Variants in GRM8 observed in about 807,000 individuals in gnomAD.
GRM8 encodes the protein metabotropic glutamate receptor 8.
GRM8 carries 47 observed loss-of-function variants against 87.2 expected under a neutral mutation model. The observed-to-expected ratio is 0.54, with a 90% CI of 0.43 to 0.69. The LOEUF is 0.69. Ranked by LOEUF, GRM8 falls within the 30% of genes least tolerant of loss-of-function variation. The probability of loss-of-function intolerance (pLI) is 0.00; values close to 1 mark genes in which losing one functional copy is unlikely to be tolerated. For missense variants in GRM8, 1,019 were observed against 1,139.2 expected (o/e 0.89, Z 1.52); for synonymous variants, 396 against 404.5 (o/e 0.98, Z 0.25).
chr7:127,171,961 T>C (rs537114070), intron 2 of GRM8, among the ~76,000 whole-genome samples: 2 of 152,246 alleles, frequency 1.3e-5, no homozygotes, highest in South Asian at 2.1e-4. Flanking sequence ...AAAAAACTTA[T>C]GATACTCCAT....
At chr7:127,177,022 G>A (rs1366712493) in intron 2 of GRM8, among the ~76,000 whole-genome samples, 2 of 152,176 alleles carry the variant, frequency 1.3e-5, no homozygotes, top group Non-Finnish European at 2.9e-5. Context: ...ACGGGAGGGT[G>A]CAAATCTGGT....
chr7:126,795,175 A>G (rs565117564), intron 6 of GRM8, among the ~76,000 whole-genome samples: 2 of 152,276 alleles, frequency 1.3e-5, no homozygotes, highest in East Asian at 3.9e-4. Flanking sequence ...TTTTGAGTCA[A>G]CTGGACAGTT....
At chr7:126,645,698 A>G (rs1055360130) in intron 7 of GRM8, among the ~76,000 whole-genome samples, 6 of 152,238 alleles carry the variant, frequency 3.9e-5, no homozygotes, top group Non-Finnish European at 8.8e-5. Flanking sequence ...TGAGGGAAAG[A>G]GAAATAAAAC....
intron 2 of GRM8, among the ~76,000 whole-genome samples, chr7:127,219,200 ATATCTG>A (rs1310432967): frequency 3.3e-5 from 5 of 152,048 alleles, no homozygotes; most frequent in South Asian, 2.1e-4. Context: ...GCAAATGGTG[ATATCTG>A]TATCTGTCCA....
intron 6 of GRM8, among the ~76,000 whole-genome samples, chr7:126,891,747 G>T (rs1801029825): frequency 6.6e-6 from 1 of 151,914 alleles, no homozygotes; most frequent in Admixed American, 6.6e-5. Context: ...TTAACACATT[G>T]CATTGCAGGA....
At chr7:126,708,563 A>G (rs180861660) in intron 7 of GRM8, among the ~76,000 whole-genome samples, 1 of 150,570 alleles carries the variant, frequency 6.6e-6, no homozygotes. Context: ...AATATCATAT[A>G]TAGATTATAT....
intron 9 of GRM8, among the ~76,000 whole-genome samples, 170 bp downstream of exon 9, chr7:126,532,764 GATATATATATATATATAT>G (rs521): frequency 0.011 from 1,267 of 110,960 alleles, 35 homozygotes; most frequent in African/African-American, 0.027. Context: ...GACGGATGGA[GATATATATATATATATAT>G]ATATATATAT....
chr7:126,824,220 C>T (rs1794553132), intron 6 of GRM8, among the ~76,000 whole-genome samples: 2 of 152,048 alleles, frequency 1.3e-5, no homozygotes, highest in African/African-American at 4.8e-5. Context: ...TTCATGTTCT[C>T]CAGTGGCAGA....
In GRM8 at chr7:126,909,156, AAC is replaced by A. The variant is rs1207605623; in HGVS notation, c.728-4475_728-4474del. Among the ~76,000 whole-genome samples, 5 of 152,380 alleles carry A rather than the reference AAC, an allele frequency of 3.3e-5. 1 individual carries two copies. The East Asian group carries it at 9.6e-4, about 29-fold the overall frequency. On this transcript the variant is annotated intron_variant, in intron 3 of 10. Coordinates refer to ENST00000339582, the MANE Select transcript of GRM8 (RefSeq NM_000845.3). ...TGTCAGACAAGGGTGTAAATTAGGT[AAC>A]ACAGATAACAGCATAAGATACACCA...
In GRM8 at chr7:127,032,895, T is replaced by A. The variant is rs190935266; in HGVS notation, c.727+73601A>T. ...CTACTAAATGCTGAATTGAAAAGCA[T>A]CTTTTGCTGTACAATCTAGAGAGAA... On this transcript the variant is annotated intron_variant, in intron 3 of 10. Coordinates refer to ENST00000339582, the MANE Select transcript of GRM8 (RefSeq NM_000845.3). Among the ~76,000 whole-genome samples, 138 of 152,182 alleles carry A rather than the reference T, an allele frequency of 9.1e-4. 1 individual carries two copies. The highest frequency in any genetic ancestry group is 1.8e-3 in the Non-Finnish European group (122 of 68,006).
intron 7 of GRM8, among the ~76,000 whole-genome samples, chr7:126,727,254 C>T (rs1308925066): frequency 6.6e-6 from 1 of 151,918 alleles, no homozygotes; most frequent in South Asian, 2.1e-4. Flanking sequence ...GGGTATGACA[C>T]ATTTGAGTGC....
intron 1 of GRM8, among the ~76,000 whole-genome samples, chr7:127,249,413 A>G (rs1244530538): frequency 6.6e-6 from 1 of 152,218 alleles, no homozygotes; most frequent in African/African-American, 2.4e-5. Flanking sequence ...TAGGAGAGCC[A>G]TAATTTATTT....
chr7:127,062,904 A>G (rs1023561881), intron 3 of GRM8, among the ~76,000 whole-genome samples: 3 of 151,872 alleles, frequency 2.0e-5, no homozygotes, highest in Admixed American at 1.3e-4. Flanking sequence ...CTCCTTTCTT[A>G]TCTTCTTTAT....
chr7:126,603,742 T>C (rs1356074730), intron 8 of GRM8, among the ~76,000 whole-genome samples: 3 of 152,072 alleles, frequency 2.0e-5, no homozygotes, highest in Non-Finnish European at 1.5e-5. Context: ...TATATATGTA[T>C]GTATGTATGT....
intron 6 of GRM8, among the ~76,000 whole-genome samples, chr7:126,771,425 T>C (rs1049516631): frequency 1.3e-5 from 2 of 151,982 alleles, no homozygotes; most frequent in African/African-American, 4.8e-5. Flanking sequence ...CTCCTCCCTG[T>C]TTGGCATAGG....
chr7:126,729,496 G>T (rs1012280243), intron 7 of GRM8, among the ~76,000 whole-genome samples: 1 of 152,160 alleles, frequency 6.6e-6, no homozygotes, highest in Non-Finnish European at 1.5e-5. Flanking sequence ...CCTATATGCC[G>T]TGTAATATAT....
At chr7:126,453,541 G>A (rs1404241411) in intron 9 of GRM8, among the ~76,000 whole-genome samples, 1 of 151,674 alleles carries the variant, frequency 6.6e-6, no homozygotes, top group African/African-American at 2.4e-5. Context: ...TAAAGAGAAT[G>A]ATACAGCATC....
intron 9 of GRM8, among the ~76,000 whole-genome samples, chr7:126,474,639 G>A (rs774287024): frequency 1.6e-4 from 24 of 152,258 alleles, no homozygotes; most frequent in Admixed American, 2.6e-4. Context: ...GAGATAGGCC[G>A]TGAGTTGAAT....
intron 3 of GRM8, among the ~76,000 whole-genome samples, chr7:126,985,025 C>A (rs997564328): frequency 2.6e-5 from 4 of 152,098 alleles, no homozygotes; most frequent in African/African-American, 9.7e-5. Context: ...CCACCACACA[C>A]ACACACAACA....
Sources: gnomAD v4.1 joint callset for allele counts (sites outside exome capture counted in the v4.1 genomes callset) on GRCh38, gnomAD v4.1.1 for gene constraint, MANE v1.5 for transcripts, NCBI Gene and HGNC (gene_info 2026-07-23, HGNC 2026-07-21) for gene names.